The following VAT1L variants were observed in gnomAD, a reference collection of about 807,000 sequenced individuals.
The protein encoded by VAT1L is vesicle amine transport 1 like.
Under a neutral mutation model 44.1 loss-of-function variants are expected in VAT1L, and 34 were observed. That is an observed-to-expected ratio of 0.77 (90% CI 0.59 to 1.03). VAT1L has a LOEUF of 1.03. VAT1L is among the 50% of genes least tolerant of loss of function. The pLI, the probability that VAT1L is intolerant of heterozygous loss-of-function variation, is 0.00. For missense variants in VAT1L, 615 were observed against 538.8 expected, an observed-to-expected ratio of 1.14 and a Z score of -1.40; for synonymous variants, 253 against 202.2, an observed-to-expected ratio of 1.25 and a Z score of -2.13.
intron 7 of VAT1L, among the ~76,000 whole-genome samples, chr16:77,938,575 C>A (rs1034108695): frequency 2.6e-5 from 4 of 152,020 alleles, no homozygotes; most frequent in African/African-American, 9.7e-5. Context: ...TGGCACTTCC[C>A]CCCTTATTCT....
At chr16:77,816,035 G>A (rs971792079) in intron 1 of VAT1L, among the ~76,000 whole-genome samples, 3 of 145,820 alleles carry the variant, frequency 2.1e-5, no homozygotes, top group African/African-American at 7.7e-5. Context: ...TGTTTAATGG[G>A]ATGTGTTTCC....
intron 3 of VAT1L, among the ~76,000 whole-genome samples, chr16:77,829,573 C>T (rs2016557834): frequency 6.6e-6 from 1 of 152,188 alleles, no homozygotes; most frequent in South Asian, 2.1e-4. Flanking sequence ...CTGACAATAG[C>T]ATGACAAGAT....
chr16:77,884,920 G>A lies in VAT1L; in HGVS notation c.1077+118G>A. The A allele has an allele frequency of 3.4e-6, 4 of 1,166,970 alleles. No homozygotes were observed. Among genetic ancestry groups the A allele is most frequent in the Non-Finnish European group, 4.6e-6 (4 of 864,682 alleles). 72.3% of individuals were successfully genotyped at this position (1,166,970 alleles called of 1,614,324 possible). ...TTTCCCAGATGGGTTTGTTTTAAAT[G>A]AGGGTCCTAAAAGTCACCTGTACCA... On this transcript the variant is annotated intron_variant, in intron 7 of 8. Coordinates refer to ENST00000302536, the MANE Select transcript of VAT1L (RefSeq NM_020927.3). The surrounding 1 kb of genome is among the most constrained non-coding windows in gnomAD (Gnocchi z 4.5).
chr16:77,869,747 G>A (rs139218874), intron 4 of VAT1L, among the ~76,000 whole-genome samples: 7 of 152,210 alleles, frequency 4.6e-5, no homozygotes, highest in East Asian at 1.9e-4. Context: ...AGGAAACTGC[G>A]ATAAAGCACA....
At chr16:77,857,324 G>A (rs1339556632) in intron 3 of VAT1L, among the ~76,000 whole-genome samples, 1 of 152,194 alleles carries the variant, frequency 6.6e-6, no homozygotes, top group Non-Finnish European at 1.5e-5. Context: ...TAGGAGAAAT[G>A]AGGATAAATG....
chr16:77,914,895 G>C (rs899090501), intron 7 of VAT1L, among the ~76,000 whole-genome samples: 1 of 152,204 alleles, frequency 6.6e-6, no homozygotes, highest in Non-Finnish European at 1.5e-5. Context: ...GGAGACTAAG[G>C]CAGGCGGATC....
At chr16:77,949,849 G>A (rs1025116217) in intron 7 of VAT1L, among the ~76,000 whole-genome samples, 4 of 152,202 alleles carry the variant, frequency 2.6e-5, no homozygotes, top group African/African-American at 4.8e-5. Flanking sequence ...TGAGGCTGCC[G>A]ATTATGACAT....
chr16:77,885,703 C>A (rs1484786678), intron 7 of VAT1L, among the ~76,000 whole-genome samples: 3 of 151,780 alleles, frequency 2.0e-5, no homozygotes. Flanking sequence ...CTTTGTTGTA[C>A]TTTTGCAAGT....
At chr16:77,810,610 C>T (rs1003039141) in intron 1 of VAT1L, among the ~76,000 whole-genome samples, 2 of 152,116 alleles carry the variant, frequency 1.3e-5, no homozygotes. Flanking sequence ...GTCAAGACTG[C>T]AGTGAGCCAT....
At chr16:77,956,918 T>C (rs924635271) in intron 7 of VAT1L, among the ~76,000 whole-genome samples, 5 of 152,218 alleles carry the variant, frequency 3.3e-5, no homozygotes, top group Admixed American at 3.3e-4. Flanking sequence ...CAGTTATATA[T>C]GGATTATAGA....
intron 3 of VAT1L, among the ~76,000 whole-genome samples, chr16:77,854,482 G>T (rs1301323354): frequency 6.6e-6 from 1 of 152,188 alleles, no homozygotes; most frequent in Non-Finnish European, 1.5e-5. Context: ...GCAGACAAAT[G>T]ACAGCGTGAT....
At chr16:77,891,676 C>T in intron 7 of VAT1L, among the ~76,000 whole-genome samples, 1 of 152,142 alleles carries the variant, frequency 6.6e-6, no homozygotes, top group East Asian at 1.9e-4. Context: ...TGTCACTAAA[C>T]CTGTACAGAG....
chr16:77,944,847 C>T (rs879940082), intron 7 of VAT1L, among the ~76,000 whole-genome samples: 3 of 151,946 alleles, frequency 2.0e-5, no homozygotes, highest in East Asian at 1.9e-4. Flanking sequence ...GAGTGGTGAA[C>T]GGCAAGAAAG....
chr16:77,979,617 A>G lies in VAT1L; in HGVS notation c.*1922A>G, dbSNP rs1255572412. On this transcript the variant is annotated 3_prime_UTR_variant, in exon 9 of 9. Transcript: ENST00000302536. ...CCCCGGGGAGTGGGAACTCAGCCACATTCAGAATTCACATCGCCTTTGTTA... is the reference window on the plus strand; with the variant it reads ...CCCCGGGGAGTGGGAACTCAGCCACGTTCAGAATTCACATCGCCTTTGTTA... The G allele has an allele frequency of 6.6e-6, 1 of 152,176 alleles. No homozygotes were observed. Among genetic ancestry groups the G allele is most frequent in the East Asian group, 1.9e-4 (1 of 5,180 alleles). 9.4% of individuals were successfully genotyped at this position (152,176 alleles called of 1,614,324 possible). A position where few individuals can be genotyped will look rare whatever the true frequency, so the allele number is the denominator to read the frequency against.
intron 3 of VAT1L, among the ~76,000 whole-genome samples, chr16:77,826,206 C>CAAA (rs11298500): frequency 7.8e-6 from 1 of 128,222 alleles, no homozygotes; most frequent in African/African-American, 2.9e-5. Context: ...GACTCCGTCT[C>CAAA]AAAAAAAAAA....
At chr16:77,841,223 G>A (rs2016701179) in intron 3 of VAT1L, among the ~76,000 whole-genome samples, 1 of 152,130 alleles carries the variant, frequency 6.6e-6, no homozygotes, top group Admixed American at 6.5e-5. Context: ...TGAGACTACA[G>A]GCTCATGCCA....
chr16:77,895,359 A>G (rs1261437366), intron 7 of VAT1L, among the ~76,000 whole-genome samples: 2 of 152,060 alleles, frequency 1.3e-5, no homozygotes, highest in African/African-American at 4.8e-5. Context: ...ATATTTGAAC[A>G]TGTTACCTCA....
chr16:77,823,556 A>C (rs748038719), intron 2 of VAT1L, among the ~76,000 whole-genome samples: 1 of 152,196 alleles, frequency 6.6e-6, no homozygotes, highest in African/African-American at 2.4e-5. Context: ...TCTGTATGTC[A>C]TTAGGCAAGA....
intron 7 of VAT1L, among the ~76,000 whole-genome samples, chr16:77,945,469 T>C (rs1369475568): frequency 6.6e-6 from 1 of 151,824 alleles, no homozygotes; most frequent in Non-Finnish European, 1.5e-5. Context: ...ATATATATAG[T>C]TTTTGAGACA....
Sources: allele counts gnomAD v4.1 joint callset (sites outside exome capture counted in the v4.1 genomes callset), GRCh38; gene constraint gnomAD v4.1.1; non-coding constraint Gnocchi (gnomAD v3.1); transcripts MANE v1.5; gene names NCBI Gene and HGNC (gene_info 2026-07-23, HGNC 2026-07-21).